The following OXCT1 variants were observed in gnomAD, a reference collection of about 807,000 sequenced individuals.
OXCT1 encodes the protein 3-oxoacid CoA-transferase 1.
In OXCT1, 27 loss-of-function variants were observed where a neutral mutation model predicts 69.6. The observed-to-expected ratio is 0.39, with a 90% CI of 0.29 to 0.54. The LOEUF is 0.54. Ranked by LOEUF, OXCT1 falls within the 20% of genes least tolerant of loss-of-function variation. The pLI, the probability that OXCT1 is intolerant of heterozygous loss-of-function variation, is 0.72. For missense variants in OXCT1, 437 were observed against 650.2 expected (o/e 0.67, Z 3.57); for synonymous variants, 202 against 217.8 (o/e 0.93, Z 0.64).
intron 13 of OXCT1, among the ~76,000 whole-genome samples, chr5:41,767,403 T>C (rs1744659458): frequency 6.6e-6 from 1 of 152,058 alleles, no homozygotes; most frequent in South Asian, 2.1e-4. Context: ...TATCAATCAT[T>C]ATAAGGGCTT....
At chr5:41,811,984 A>G (rs775515757) in intron 7 of OXCT1, among the ~76,000 whole-genome samples, 1 of 152,078 alleles carries the variant, frequency 6.6e-6, no homozygotes, top group Non-Finnish European at 1.5e-5. Flanking sequence ...TATTTGTAAC[A>G]GAAGTGACAA....
chr5:41,772,460 C>A (rs1397503547), intron 13 of OXCT1, among the ~76,000 whole-genome samples: 1 of 150,004 alleles, frequency 6.7e-6, no homozygotes, highest in Non-Finnish European at 1.5e-5. Context: ...GAAAGTAACA[C>A]AGAAGATAAA....
At chr5:41,731,886 C>A in intron 16 of OXCT1, 116 bp from the exon 17 acceptor site, 1 of 1,201,140 alleles carries the variant, frequency 8.3e-7, no homozygotes, top group Non-Finnish European at 1.2e-6. Flanking sequence ...CATGGACATT[C>A]CCTGGAGTTT....
intron 14 of OXCT1, among the ~76,000 whole-genome samples, chr5:41,761,638 T>C (rs2112099710): frequency 6.6e-6 from 1 of 152,230 alleles, no homozygotes; most frequent in East Asian, 1.9e-4. Flanking sequence ...CATTATTTTG[T>C]AACATCTTCT....
intron 14 of OXCT1, among the ~76,000 whole-genome samples, chr5:41,755,678 A>C (rs1326803184): frequency 2.0e-5 from 3 of 152,126 alleles, no homozygotes; most frequent in Non-Finnish European, 4.4e-5. Flanking sequence ...CTCCACAAAA[A>C]GTGAAGTCAA....
intron 7 of OXCT1, among the ~76,000 whole-genome samples, chr5:41,839,611 T>C (rs1335691849): frequency 6.6e-6 from 1 of 152,200 alleles, no homozygotes; most frequent in Non-Finnish European, 1.5e-5. Flanking sequence ...ACTCTAACAT[T>C]TGATTGTTTC....
intron 10 of OXCT1, among the ~76,000 whole-genome samples, chr5:41,802,555 A>T (rs550473652): frequency 6.6e-6 from 1 of 152,102 alleles, no homozygotes; most frequent in Non-Finnish European, 1.5e-5. Flanking sequence ...GAGGCAATCA[A>T]CTCAAACAAT....
At chr5:41,805,480 C>A in intron 9 of OXCT1, 87 bp downstream of exon 9, 1 of 862,516 alleles carries the variant, frequency 1.2e-6, no homozygotes, top group Non-Finnish European at 2.0e-6. Flanking sequence ...CTAGAGATGA[C>A]TCACTATGCA....
chr5:41,746,300 C>A (rs1420561301), intron 15 of OXCT1, among the ~76,000 whole-genome samples: 3 of 152,072 alleles, frequency 2.0e-5, no homozygotes, highest in Non-Finnish European at 4.4e-5. Flanking sequence ...AGGAACGCAT[C>A]TTTCATTACC....
chr5:41,736,390 CTG>C (rs1256161535), intron 16 of OXCT1, among the ~76,000 whole-genome samples: 3 of 152,204 alleles, frequency 2.0e-5, no homozygotes, highest in Non-Finnish European at 4.4e-5. Flanking sequence ...ATGAACAAAA[CTG>C]TGACAGTCAT....
chr5:41,790,711 T>G (rs1745874769), intron 13 of OXCT1, among the ~76,000 whole-genome samples: 1 of 152,188 alleles, frequency 6.6e-6, no homozygotes, highest in African/African-American at 2.4e-5. Flanking sequence ...GCTTCTTGAC[T>G]GCCAGATCTT....
intron 13 of OXCT1, among the ~76,000 whole-genome samples, chr5:41,786,457 CCTT>C (rs1745648373): frequency 6.6e-6 from 1 of 152,142 alleles, no homozygotes; most frequent in South Asian, 2.1e-4. Flanking sequence ...TACTATATAA[CCTT>C]CTTCAAATGC....
chr5:41,741,039 C>T (rs1366812358), intron 15 of OXCT1, among the ~76,000 whole-genome samples: 1 of 151,712 alleles, frequency 6.6e-6, no homozygotes, highest in Non-Finnish European at 1.5e-5. Context: ...CAACCTCTGC[C>T]TCCAGGGTTC....
At chr5:41,808,963 C>A (rs1746825180) in intron 7 of OXCT1, among the ~76,000 whole-genome samples, 1 of 151,952 alleles carries the variant, frequency 6.6e-6, no homozygotes, top group Non-Finnish European at 1.5e-5. Context: ...AAACACTAAT[C>A]ACAAAATTTA....
chr5:41,769,498 G>T (rs1744777293), intron 13 of OXCT1, among the ~76,000 whole-genome samples: 1 of 151,072 alleles, frequency 6.6e-6, no homozygotes, highest in Non-Finnish European at 1.5e-5. Flanking sequence ...TGGGGTAGGA[G>T]GATCACTTAA....
chr5:41,763,278 C>A (rs1344533364), intron 13 of OXCT1, among the ~76,000 whole-genome samples: 1 of 152,042 alleles, frequency 6.6e-6, no homozygotes, highest in Non-Finnish European at 1.5e-5. Flanking sequence ...GGTTTGGAAT[C>A]TGTCAGTAAA....
intron 1 of OXCT1, among the ~76,000 whole-genome samples, chr5:41,867,523 G>T (rs1231769955): frequency 6.6e-6 from 1 of 152,226 alleles, no homozygotes; most frequent in East Asian, 1.9e-4. Context: ...ATGACACTTG[G>T]TGATCAATTG....
chr5:41,749,211 C>A (rs1444530745), intron 15 of OXCT1, among the ~76,000 whole-genome samples: 2 of 152,122 alleles, frequency 1.3e-5, no homozygotes, highest in South Asian at 2.1e-4. Context: ...ATAATATATT[C>A]ATAACTTTGC....
At chr5:41,739,519 T>A in intron 15 of OXCT1, 28 bp from the exon 16 acceptor site, 1 of 1,460,726 alleles carries the variant, frequency 6.8e-7, no homozygotes, top group Non-Finnish European at 9.6e-7. Flanking sequence ...AAAAGGACAA[T>A]GACAATTTCC....
Sources: allele counts gnomAD v4.1 joint callset (sites outside exome capture counted in the v4.1 genomes callset), GRCh38; gene constraint gnomAD v4.1.1; transcripts MANE v1.5; gene names NCBI Gene and HGNC (gene_info 2026-07-23, HGNC 2026-07-21).